LTF: variants seen among roughly 807,000 people sequenced by gnomAD.
LTF encodes the protein epididymis luminal protein 110.
LTF carries 91 observed loss-of-function variants against 87.2 expected under a neutral mutation model. The ratio of observed to expected loss-of-function variants is 1.04; its 90% CI spans 0.88 to 1.24. The LOEUF is 1.24. LTF is among the 50% of genes most tolerant of loss of function. The pLI is 0.00. For missense variants in LTF, 901 were observed against 904.3 expected, an observed-to-expected ratio of 1.00 and a Z score of 0.05; for synonymous variants, 378 against 356.1, an observed-to-expected ratio of 1.06 and a Z score of -0.69.
chr3:46,457,164 G>A (rs1006568877), intron 2 of LTF, among the ~76,000 whole-genome samples: 15 of 152,186 alleles, frequency 9.9e-5, no homozygotes, highest in African/African-American at 1.9e-4. Context: ...GCCATCAACC[G>A]GTACCAGTCC....
At chr3:46,466,818 A>G (rs1198638497), upstream of LTF, among the ~76,000 whole-genome samples, 1 of 152,230 alleles carries the variant, frequency 6.6e-6, no homozygotes, top group African/African-American at 2.4e-5. Context: ...TTTGTACCTA[A>G]ATTGGCAACA....
chr3:46,454,031 T>C, intron 6 of LTF: 1 of 468,386 alleles, frequency 2.1e-6, no homozygotes, highest in Non-Finnish European at 3.9e-6. Context: ...CAATCTGTTC[T>C]GCATGAGCAC....
chr3:46,436,991 A>G (rs879522063), intron 16 of LTF, among the ~76,000 whole-genome samples: 47 of 152,212 alleles, frequency 3.1e-4, no homozygotes, highest in Non-Finnish European at 4.0e-4. Flanking sequence ...CTCAGGGGAA[A>G]AATTGTCTCT....
chr3:46,459,611 C>T (rs1703025242), intron 2 of LTF, 45 bp downstream of exon 2: 1 of 1,366,854 alleles, frequency 7.3e-7, no homozygotes. Flanking sequence ...TTTCTCTCTC[C>T]CTTCCATTCA....
intron 1 of LTF, 97 bp downstream of exon 1, chr3:46,464,728 G>C (rs576766885): frequency 1.4e-5 from 20 of 1,397,376 alleles, no homozygotes; most frequent in Non-Finnish European, 1.9e-5. Context: ...CAGAGACCCC[G>C]CGCCCAGCCA....
intron 11 of LTF, among the ~76,000 whole-genome samples, chr3:46,445,823 G>C (rs1012129939): frequency 6.6e-6 from 1 of 152,218 alleles, no homozygotes; most frequent in Non-Finnish European, 1.5e-5. Flanking sequence ...CATCAGGCAA[G>C]AGCACCAACA....
At position 46,435,881 on chromosome 3, in the gene LTF, C is replaced by A; in HGVS notation, c.*314G>T. The A allele has an allele frequency of 5.0e-6, 2 of 403,434 alleles. No individual in the cohort carries two copies. The highest frequency in any genetic ancestry group is 4.6e-6 in the Non-Finnish European group (1 of 218,314). The allele number at this position is 403,434 out of a possible 1,614,324, so 25.0% of individuals were successfully genotyped here. On this transcript the variant is annotated 3_prime_UTR_variant, in exon 17 of 17. Transcript: ENST00000231751. ...ATTCCAGACCCTTGGGCATCATACC[C>A]AAGACTGCAAGAAAGAGGAGGGGCT...
upstream of LTF, among the ~76,000 whole-genome samples, chr3:46,467,936 A>G (rs1330594889): frequency 6.6e-6 from 1 of 152,032 alleles, no homozygotes; most frequent in Admixed American, 6.5e-5. Context: ...AGGCGCCTAA[A>G]TTTAATGCAT....
intron 5 of LTF, 97 bp from the exon 6 acceptor site, chr3:46,454,457 T>A (rs1702876678): frequency 2.0e-5 from 22 of 1,083,738 alleles, no homozygotes. Flanking sequence ...TATGGGTTTC[T>A]ACTCCCTGCA....
upstream of LTF, among the ~76,000 whole-genome samples, chr3:46,467,810 C>T (rs151197656): frequency 5.1e-3 from 773 of 152,102 alleles, 6 homozygotes; most frequent in African/African-American, 0.017. Context: ...ACCATTGCAC[C>T]CAGCCATGGC....
At chr3:46,463,633 T>G in intron 1 of LTF, 4 of 985,394 alleles carry the variant, frequency 4.1e-6, no homozygotes, top group Non-Finnish European at 4.8e-6. Flanking sequence ...CAAGTGAATA[T>G]AAAACCCAGT....
chr3:46,485,194 G>A (rs1703500860), exon 1 of LTF: 1 of 152,322 alleles, frequency 6.6e-6, no homozygotes, highest in Non-Finnish European at 1.5e-5. Context: ...GTTCCCCTCA[G>A]TGCCCGCTGT....
At chr3:46,436,702 T>C (rs1702394411) in intron 16 of LTF, among the ~76,000 whole-genome samples, 1 of 152,244 alleles carries the variant, frequency 6.6e-6, no homozygotes, top group East Asian at 1.9e-4. Flanking sequence ...ATGTGGTCTA[T>C]GCAGTCCTGA....
intron 7 of LTF, 142 bp from the exon 8 acceptor site, chr3:46,450,170 C>T (rs866815918): frequency 2.8e-6 from 2 of 712,874 alleles, no homozygotes; most frequent in Non-Finnish European, 4.6e-6. Context: ...TGCAGAGGGA[C>T]TTGTGCCATC....
upstream of LTF, chr3:46,464,960 C>T (rs1157889517): frequency 7.9e-7 from 1 of 1,265,310 alleles, no homozygotes; most frequent in Non-Finnish European, 1.1e-6. Context: ...CGCCCTGTTG[C>T]CCAATAGACA....
At chr3:46,446,600 C>A in intron 10 of LTF, 107 bp from the exon 11 acceptor site, 1 of 904,914 alleles carries the variant, frequency 1.1e-6, no homozygotes, top group Non-Finnish European at 1.8e-6. Context: ...GAGACCGTCC[C>A]AGCAGTTCCA....
rs753708644 is a variant in LTF, at chr3:46,439,297, T to C, written c.1907A>G (p.Gln636Arg). 1 of 1,609,914 alleles carries C rather than the reference T, an allele frequency of 6.2e-7. No individual in the cohort carries two copies. The highest frequency in any genetic ancestry group is 8.5e-7 in the Non-Finnish European group (1 of 1,177,912). Residue 636 changes from glutamine to arginine, a missense_variant and splice_region_variant, in exon 15 of 17, where the codon CAG becomes CGG. Transcript: ENST00000231751. Reference sequence around the variant, plus strand: ...CACTAGAAGCCCTGTGGTCCATACCTGTTGGTGGAGCAACACCTGTTTCAG... The same window carrying C: ...CACTAGAAGCCCTGTGGTCCATACCCGTTGGTGGAGCAACACCTGTTTCAG... ...ERLKQVLLHQ[Q>R]AKFGRNGSDC...
At chr3:46,442,376 T>C (rs1702544900) in intron 13 of LTF, among the ~76,000 whole-genome samples, 1 of 152,138 alleles carries the variant, frequency 6.6e-6, no homozygotes, top group Non-Finnish European at 1.5e-5. Flanking sequence ...GATTTTGCTA[T>C]AAATTTCCCC....
intron 9 of LTF, among the ~76,000 whole-genome samples, chr3:46,448,147 T>C (rs566007136): frequency 4.6e-5 from 7 of 152,214 alleles, no homozygotes; most frequent in Admixed American, 2.0e-4. Flanking sequence ...GAAGATTGCT[T>C]GAGCCCAGGA....
Sources: gnomAD v4.1 joint callset for allele counts (sites outside exome capture counted in the v4.1 genomes callset) on GRCh38, gnomAD v4.1.1 for gene constraint, MANE v1.5 for transcripts, NCBI Gene and HGNC (gene_info 2026-07-23, HGNC 2026-07-21) for gene names.